Variants in KHDRBS2 observed in about 807,000 individuals in gnomAD.
KHDRBS2 encodes the protein KH RNA binding domain containing, signal transduction associated 2.
Under a neutral mutation model 44.3 loss-of-function variants are expected in KHDRBS2, and 26 were observed. The ratio of observed to expected loss-of-function variants is 0.59; its 90% CI spans 0.43 to 0.81. The LOEUF (loss-of-function observed/expected upper bound fraction) is 0.81. KHDRBS2 is among the 40% of genes least tolerant of loss of function. The pLI is 0.00. For missense variants in KHDRBS2, 476 were observed against 433.1 expected, an observed-to-expected ratio of 1.10 and a Z score of -0.88; for synonymous variants, 194 against 151.1, an observed-to-expected ratio of 1.28 and a Z score of -2.08.
chr6:61,984,098 A>C (rs968149374), intron 3 of KHDRBS2, among the ~76,000 whole-genome samples: 1 of 152,130 alleles, frequency 6.6e-6, no homozygotes, highest in Non-Finnish European at 1.5e-5. Context: ...CCACTCAAAA[A>C]TTTCACCAGA....
intron 2 of KHDRBS2, among the ~76,000 whole-genome samples, chr6:62,104,021 A>G (rs1488670678): frequency 6.6e-6 from 1 of 152,184 alleles, no homozygotes; most frequent in Non-Finnish European, 1.5e-5. Flanking sequence ...AGATATACAT[A>G]AGGGGCTGAA....
At chr6:61,945,268 T>C (rs1408680958) in intron 4 of KHDRBS2, among the ~76,000 whole-genome samples, 1 of 150,060 alleles carries the variant, frequency 6.7e-6, no homozygotes, top group East Asian at 1.9e-4. Flanking sequence ...TTAAGATGAG[T>C]AAGTTTCACG....
the KHDRBS2 span, among the ~76,000 whole-genome samples, chr6:61,543,883 T>A: frequency 4.0e-3 from 608 of 152,112 alleles, 10 homozygotes; most frequent in South Asian, 0.054. Context: ...CTCTTATTTG[T>A]GGGAGCTAAA....
At chr6:61,921,112 G>C (rs374748205) in intron 4 of KHDRBS2, among the ~76,000 whole-genome samples, 23 of 152,052 alleles carry the variant, frequency 1.5e-4, no homozygotes, top group African/African-American at 4.6e-4. Context: ...TATAAACAAA[G>C]ATAATGTAAA....
intron 1 of KHDRBS2, among the ~76,000 whole-genome samples, chr6:62,224,260 T>C (rs1459030344): frequency 6.6e-6 from 1 of 152,090 alleles, no homozygotes; most frequent in Non-Finnish European, 1.5e-5. Flanking sequence ...AGCCATCAGA[T>C]CTTGTGAGAC....
At chr6:62,285,589 T>A (rs1307466064) in intron 1 of KHDRBS2, among the ~76,000 whole-genome samples, 1 of 152,170 alleles carries the variant, frequency 6.6e-6, no homozygotes, top group East Asian at 1.9e-4. Context: ...CTTTATGGTT[T>A]CTCTATCAAT....
At chr6:61,727,839 T>C (rs1484377083) in intron 7 of KHDRBS2, among the ~76,000 whole-genome samples, 1 of 152,100 alleles carries the variant, frequency 6.6e-6, no homozygotes, top group Non-Finnish European at 1.5e-5. Context: ...CTTAAATTAG[T>C]TAAACTATTG....
chr6:61,616,243 A>G, the KHDRBS2 span, among the ~76,000 whole-genome samples: 14 of 152,094 alleles, frequency 9.2e-5, no homozygotes, highest in Admixed American at 7.9e-4. Flanking sequence ...ATTTCTTTTA[A>G]AATACACTAT....
chr6:61,656,950 T>C, the KHDRBS2 span, among the ~76,000 whole-genome samples: 1 of 152,120 alleles, frequency 6.6e-6, no homozygotes, highest in Admixed American at 6.6e-5. Context: ...GTAATCATGT[T>C]TATTTTGGAT....
At chr6:62,097,096 G>C (rs1800771200) in intron 2 of KHDRBS2, among the ~76,000 whole-genome samples, 1 of 151,398 alleles carries the variant, frequency 6.6e-6, no homozygotes, top group African/African-American at 2.4e-5. Flanking sequence ...AAAGATACCT[G>C]ATATAATTTT....
chr6:62,269,952 T>C (rs746312763), intron 1 of KHDRBS2, among the ~76,000 whole-genome samples: 4 of 152,148 alleles, frequency 2.6e-5, no homozygotes, highest in South Asian at 2.1e-4. Flanking sequence ...TGTCCAAGGA[T>C]ATACTGAACC....
intron 1 of KHDRBS2, among the ~76,000 whole-genome samples, chr6:62,272,024 C>T (rs575090856): frequency 4.1e-4 from 63 of 152,254 alleles, no homozygotes; most frequent in African/African-American, 8.7e-4. Flanking sequence ...CTTCCAGTCC[C>T]GCAAGCTCCA....
chr6:61,902,367 T>A (rs1804214777), intron 4 of KHDRBS2, among the ~76,000 whole-genome samples: 2 of 152,086 alleles, frequency 1.3e-5, no homozygotes, highest in South Asian at 4.1e-4. Flanking sequence ...TCAGTCAAAG[T>A]CAAAGGGACT....
intron 6 of KHDRBS2, among the ~76,000 whole-genome samples, chr6:61,823,231 G>A (rs1290900955): frequency 6.6e-6 from 1 of 152,018 alleles, no homozygotes; most frequent in Non-Finnish European, 1.5e-5. Flanking sequence ...ACACATTGCT[G>A]ACATCTCTTA....
chr6:61,723,669 G>A (rs1285270872), intron 7 of KHDRBS2, among the ~76,000 whole-genome samples: 9 of 152,048 alleles, frequency 5.9e-5, no homozygotes, highest in African/African-American at 1.7e-4. Flanking sequence ...ATACGAGAAC[G>A]TCACAATGCA....
At chr6:61,606,198 T>C in the KHDRBS2 span, among the ~76,000 whole-genome samples, 1 of 152,150 alleles carries the variant, frequency 6.6e-6, no homozygotes, top group Non-Finnish European at 1.5e-5. Flanking sequence ...TCAGCCTGCC[T>C]GCACCCAGGT....
At chr6:61,863,425 C>A (rs924855430) in intron 6 of KHDRBS2, among the ~76,000 whole-genome samples, 2 of 152,018 alleles carry the variant, frequency 1.3e-5, no homozygotes, top group African/African-American at 4.8e-5. Context: ...TGTGAGCATG[C>A]AGTACTATAC....
chr6:61,629,434 A>G, the KHDRBS2 span, among the ~76,000 whole-genome samples: 2 of 152,232 alleles, frequency 1.3e-5, no homozygotes, highest in African/African-American at 4.8e-5. Context: ...TTAGCATTCA[A>G]TTTTTTCATT....
intron 5 of KHDRBS2, among the ~76,000 whole-genome samples, chr6:61,899,738 C>CCG (rs569615947): frequency 7.2e-6 from 1 of 139,254 alleles, no homozygotes; most frequent in African/African-American, 2.6e-5. Context: ...TTAATGCCCC[C>CCG]CCCCCGCATT....
Sources: allele counts gnomAD v4.1 joint callset (sites outside exome capture counted in the v4.1 genomes callset), GRCh38; gene constraint gnomAD v4.1.1; transcripts MANE v1.5; gene names NCBI Gene and HGNC (gene_info 2026-07-23, HGNC 2026-07-21).